Variants in RYR2 observed in about 807,000 individuals in gnomAD.
RYR2 encodes the protein cardiac muscle ryanodine receptor-calcium release channel.
In RYR2, 227 loss-of-function variants were observed where a neutral mutation model predicts 601.1. The ratio of observed to expected loss-of-function variants is 0.38; its 90% CI spans 0.34 to 0.42. RYR2 has a LOEUF of 0.42. RYR2 is among the 10% of genes least tolerant of loss of function. The pLI, the probability that RYR2 is intolerant of heterozygous loss-of-function variation, is 1.00. For missense variants in RYR2, 4,646 were observed against 6,156.5 expected, an observed-to-expected ratio of 0.75 and a Z score of 8.21; for synonymous variants, 2,223 against 2,175.1, an observed-to-expected ratio of 1.02 and a Z score of -0.61.
At chr1:237,168,682 T>C (rs976132086) in intron 1 of RYR2, among the ~76,000 whole-genome samples, 2 of 139,846 alleles carry the variant, frequency 1.4e-5, no homozygotes, top group Non-Finnish European at 3.1e-5. Flanking sequence ...ATGTTTAGAT[T>C]TCACTTTTCT....
At chr1:237,638,330 A>C in intron 44 of RYR2, 27 bp from the exon 45 acceptor site, 1 of 1,613,500 alleles carries the variant, frequency 6.2e-7, no homozygotes, top group Non-Finnish European at 8.5e-7. Flanking sequence ...CCAAGGGATA[A>C]CTCTTTGTTA....
intron 2 of RYR2, among the ~76,000 whole-genome samples, chr1:237,282,405 AT>A (rs987096731): frequency 2.6e-5 from 4 of 151,822 alleles, no homozygotes; most frequent in African/African-American, 7.2e-5. Flanking sequence ...TTTTCTTGCA[AT>A]TTTTTTTCAA....
intron 1 of RYR2, among the ~76,000 whole-genome samples, chr1:237,172,032 A>C (rs1347422146): frequency 6.6e-6 from 1 of 152,244 alleles, no homozygotes; most frequent in Non-Finnish European, 1.5e-5. Flanking sequence ...GTGCCCTTAC[A>C]AATATGCATA....
chr1:237,325,709 C>G (rs912672585), intron 2 of RYR2, among the ~76,000 whole-genome samples: 2 of 151,232 alleles, frequency 1.3e-5, no homozygotes, highest in African/African-American at 4.9e-5. Flanking sequence ...CAAAACAAAA[C>G]AAAAAATATA....
chr1:237,487,537 G>T (rs927085031), intron 17 of RYR2, among the ~76,000 whole-genome samples: 2 of 129,798 alleles, frequency 1.5e-5, no homozygotes, highest in Admixed American at 1.7e-4. Context: ...GCAACATAAT[G>T]AGACCACCCC....
At chr1:237,309,077 G>A (rs1405069471) in intron 2 of RYR2, among the ~76,000 whole-genome samples, 2 of 151,576 alleles carry the variant, frequency 1.3e-5, no homozygotes, top group Non-Finnish European at 2.9e-5. Context: ...CCTTGAGCTA[G>A]ACACAGAGTG....
chr1:237,206,691 T>C (rs1483933987), intron 1 of RYR2, among the ~76,000 whole-genome samples: 2 of 152,210 alleles, frequency 1.3e-5, no homozygotes, highest in Non-Finnish European at 2.9e-5. Context: ...TAATTCCCTA[T>C]TGTGAACTAT....
chr1:237,251,868 G>A (rs890227619), intron 1 of RYR2, among the ~76,000 whole-genome samples: 1 of 152,022 alleles, frequency 6.6e-6, no homozygotes, highest in Non-Finnish European at 1.5e-5. Flanking sequence ...TTCGGTACAT[G>A]GTACCACCAT....
intron 46 of RYR2, 26 bp downstream of exon 46, chr1:237,639,227 G>A (rs771332087): frequency 9.5e-6 from 15 of 1,579,458 alleles, no homozygotes; most frequent in East Asian, 4.5e-5. Context: ...ACACCCTCAC[G>A]AGTGATCCAT....
rs148736721 is a variant in RYR2, at chr1:237,796,056, A to C, written c.13956+725A>C. Among the ~76,000 whole-genome samples the C allele has an allele frequency of 4.6e-3, 697 of 151,628 alleles. 5 individuals are homozygous for C. Among genetic ancestry groups the C allele is most frequent in the African/African-American group, 0.016 (664 of 41,406 alleles). On this transcript the variant is annotated intron_variant, in intron 96 of 104. Coordinates refer to ENST00000366574, the MANE Select transcript of RYR2 (RefSeq NM_001035.3). ...TACATATATATTTTTTTACTTTGTT[A>C]GAAGCAATGTGTTCGATTTTTATGT...
At chr1:237,690,821 C>T (rs905206412) in intron 63 of RYR2, among the ~76,000 whole-genome samples, 1 of 152,202 alleles carries the variant, frequency 6.6e-6, no homozygotes, top group African/African-American at 2.4e-5. Context: ...CAACATTGCA[C>T]ACCACACACA....
intron 10 of RYR2, among the ~76,000 whole-genome samples, chr1:237,416,369 G>A (rs746615062): frequency 6.6e-6 from 1 of 152,286 alleles, no homozygotes; most frequent in South Asian, 2.1e-4. Context: ...ATCTCAAGGC[G>A]TTGGTGCAGT....
At chr1:237,259,616 T>C (rs970077223) in intron 1 of RYR2, among the ~76,000 whole-genome samples, 1 of 151,500 alleles carries the variant, frequency 6.6e-6, no homozygotes, top group Non-Finnish European at 1.5e-5. Flanking sequence ...TAATGAAATA[T>C]CCTGTCATTT....
intron 16 of RYR2, among the ~76,000 whole-genome samples, chr1:237,463,030 A>C (rs988122691): frequency 1.3e-5 from 2 of 152,112 alleles, no homozygotes; most frequent in South Asian, 4.1e-4. Context: ...GTTTCAATGC[A>C]TTATCTTCTT....
Position 237,795,298 on chromosome 1 carries a change from C to A in RYR2, c.13923C>A (p.Pro4641=). 1 of 1,407,120 alleles carries A rather than the reference C, an allele frequency of 7.1e-7. No homozygotes were observed. The highest frequency in any genetic ancestry group is 1.3e-5 in the South Asian group (1 of 75,756). The allele number at this position is 1,407,120 out of a possible 1,614,324, so 87.2% of individuals were successfully genotyped here. A position where few individuals can be genotyped will look rare whatever the true frequency, so the allele number is the denominator to read the frequency against. The change falls in exon 96 of 105, where the codon CCC becomes CCA. Residue 4641 remains proline (P), a synonymous_variant. Transcript: ENST00000366574. ...DRLVINTQSF[P]NNYWDKFVKR... is the part of the protein sequence containing the mutation. ...CTTTTGTATATTTTAGGTCATTTCC[C>A]AACAACTACTGGGACAAATTTGTTA...
At chr1:237,525,049 A>T (rs1458099814) in intron 24 of RYR2, among the ~76,000 whole-genome samples, 1 of 152,110 alleles carries the variant, frequency 6.6e-6, no homozygotes, top group Non-Finnish European at 1.5e-5. Context: ...GGGAATTTAG[A>T]TTCTAATGAA....
intron 33 of RYR2, among the ~76,000 whole-genome samples, chr1:237,594,965 TGGGAATTGTCCAGAAAG>T (rs1456960291): frequency 8.1e-6 from 1 of 123,026 alleles, no homozygotes; most frequent in East Asian, 2.6e-4. Context: ...CTCAGATCAC[TGGGAATTGTCCAGAAAG>T]GGGCAAAATT....
intron 46 of RYR2, 42 bp downstream of exon 46, chr1:237,639,243 T>A (rs776083215): frequency 6.6e-7 from 1 of 1,514,932 alleles, no homozygotes; most frequent in South Asian, 1.3e-5. Flanking sequence ...TCCATACTAC[T>A]TGATGTGAAA....
At chr1:237,696,582 C>A (rs1687461539) in intron 63 of RYR2, among the ~76,000 whole-genome samples, 1 of 146,846 alleles carries the variant, frequency 6.8e-6, no homozygotes, top group Non-Finnish European at 1.5e-5. Context: ...TACATCTTTA[C>A]CCGAATTACT....
Sources: gnomAD v4.1 joint callset for allele counts (sites outside exome capture counted in the v4.1 genomes callset) on GRCh38, gnomAD v4.1.1 for gene constraint, MANE v1.5 for transcripts, NCBI Gene and HGNC (gene_info 2026-07-23, HGNC 2026-07-21) for gene names.